Variants in CCDC177 observed in about 807,000 individuals in gnomAD.
CCDC177 encodes the protein coiled-coil domain containing 177.
Under a neutral mutation model 7.3 loss-of-function variants are expected in CCDC177, and 2 were observed. The ratio of observed to expected loss-of-function variants is 0.28; its 90% CI spans 0.11 to 0.87. The LOEUF (loss-of-function observed/expected upper bound fraction) is 0.87. Ranked by LOEUF, CCDC177 falls within the 40% of genes least tolerant of loss-of-function variation. The pLI is 0.61. For missense variants in CCDC177, 874 were observed against 970.5 expected (o/e 0.90, Z 1.32); for synonymous variants, 401 against 449.2 (o/e 0.89, Z 1.36).
rs1271214555 is a variant in CCDC177, at chr14:69,570,829, T to C, written c.*670A>G. 2.2e-6 allele frequency: 1 copy of C among 457,548 alleles called. No individual in the cohort carries two copies. Among genetic ancestry groups the C allele is most frequent in the Non-Finnish European group, 4.4e-6 (1 of 226,792 alleles). The allele number at this position is 457,548 out of a possible 1,614,324, so 28.3% of individuals were successfully genotyped here. On this transcript the variant is annotated 3_prime_UTR_variant, in exon 2 of 2. Transcript: ENST00000599174. ...TGAGGGAGGGGGCAAAGGACAAAAA[T>C]TGAACATTATCTGCAGATGACTGTC...
In CCDC177 at chr14:69,572,646, C is replaced by A; in HGVS notation, c.977G>T (p.Arg326Leu). 2 of 1,231,300 alleles carry A rather than the reference C, an allele frequency of 1.6e-6. No homozygotes were observed. Among genetic ancestry groups the A allele is most frequent in the Non-Finnish European group, 2.0e-6 (2 of 987,632 alleles). 76.3% of individuals were successfully genotyped at this position (1,231,300 alleles called of 1,614,324 possible). The change falls in exon 2 of 2, where the codon CGT becomes CTT. Residue 326 changes from arginine (R) to leucine (L), a missense_variant. Transcript: ENST00000599174. Reference protein sequence around the residue: ...QHVERIVRQVRAERGLRGVPE... With the variant: ...QHVERIVRQVLAERGLRGVPE... ...CACCCCGCGCAGGCCGCGCTCTGCACGCACTTGACGCACGATGCGCTCCAC... is the reference window on the plus strand; with the variant it reads ...CACCCCGCGCAGGCCGCGCTCTGCAAGCACTTGACGCACGATGCGCTCCAC...
At position 69,573,479 on chromosome 14, in the gene CCDC177, CGCGGAGGCCGAG is replaced by C; in HGVS notation, c.132_143del (p.Ser45_Ala48del). The C allele has an allele frequency of 8.1e-7, 1 of 1,230,768 alleles. No individual in the cohort carries two copies. The highest frequency in any genetic ancestry group is 1.0e-6 in the Non-Finnish European group (1 of 987,396). 76.2% of individuals were successfully genotyped at this position (1,230,768 alleles called of 1,614,324 possible). A position where few individuals can be genotyped will look rare whatever the true frequency, so the allele number is the denominator to read the frequency against. ...GGACTTCTGCCTTGCGGGGCACCGC[CGCGGAGGCCGAG>C]GCCGAGGCCGAGGAAGCTGCGGGCT... On this transcript the variant is annotated inframe_deletion, in exon 2 of 2. Transcript: ENST00000599174.
chr14:69,572,608 G>A lies in CCDC177; in HGVS notation c.1015C>T (p.Arg339Trp), dbSNP rs1595012513. ...RGLRGVPERD[R>W]KIAALMLARH... ...GCCAGCATGAGCGCCGCGATCTTCC[G>A]GTCACGCTCCGGCACCCCGCGCAGG... Residue 339 changes from arginine to tryptophan, a missense_variant, in exon 2 of 2, where the codon CGG (arginine) becomes TGG (tryptophan). Transcript: ENST00000599174. 8.1e-7 allele frequency: 1 copy of A among 1,231,256 alleles called. No individual in the cohort carries two copies. The highest frequency in any genetic ancestry group is 4.1e-5 in the South Asian group (1 of 24,320). 76.3% of individuals were successfully genotyped at this position (1,231,256 alleles called of 1,614,324 possible).
intron 1 of CCDC177, 101 bp downstream of exon 1, chr14:69,574,441 C>G (rs965598955): frequency 2.6e-5 from 4 of 152,300 alleles, no homozygotes; most frequent in African/African-American, 9.6e-5. Flanking sequence ...CGGGTGCCCT[C>G]CGAGTTCCCC....
chr14:69,571,814 G>C lies in CCDC177; in HGVS notation c.1809C>G (p.Ala603=), dbSNP rs1192184563. 2 of 1,231,452 alleles carry C rather than the reference G, an allele frequency of 1.6e-6. No homozygotes were observed. Among genetic ancestry groups the C allele is most frequent in the South Asian group, 4.1e-5 (1 of 24,322 alleles). 76.3% of individuals were successfully genotyped at this position (1,231,452 alleles called of 1,614,324 possible). A position where few individuals can be genotyped will look rare whatever the true frequency, so the allele number is the denominator to read the frequency against. Residue 603 remains alanine (A), a synonymous_variant, in exon 2 of 2, where the codon GCC becomes GCG. Coordinates refer to ENST00000599174, the MANE Select transcript of CCDC177 (RefSeq NM_001271507.2). Reference sequence around the variant, plus strand: ...GCGCCTTCTGCTGCACTGCTTCCTCGGCCACCTGCGTCGCGTGCTGCAGCC... The same window carrying C: ...GCGCCTTCTGCTGCACTGCTTCCTCCGCCACCTGCGTCGCGTGCTGCAGCC... The part of the protein sequence containing the change: ...ERRLQHATQV[A]EEAVQQKARR...
Position 69,571,537 on chromosome 14 carries a change from G to A in CCDC177, c.2086C>T (p.Arg696Trp), listed in dbSNP as rs1884323842. Residue 696 changes from arginine (R) to tryptophan (W), a missense_variant, in exon 2 of 2, where the codon CGG becomes TGG. Coordinates refer to ENST00000599174, the MANE Select transcript of CCDC177 (RefSeq NM_001271507.2). ...AGGCTGGCGTGTAGCTGGGCCTCCCGCACCATGCGGTCGAAGGATCGCGTG... is the reference window on the plus strand; with the variant it reads ...AGGCTGGCGTGTAGCTGGGCCTCCCACACCATGCGGTCGAAGGATCGCGTG... ...TNTRSFDRMV[R>W]EAQLHASLDR... 1.6e-6 allele frequency: 2 copies of A among 1,240,296 alleles called. No homozygotes were observed. Among genetic ancestry groups the A allele is most frequent in the Non-Finnish European group, 2.0e-6 (2 of 992,388 alleles). The allele number at this position is 1,240,296 out of a possible 1,614,324, so 76.8% of individuals were successfully genotyped here. A position where few individuals can be genotyped will look rare whatever the true frequency, so the allele number is the denominator to read the frequency against.
In CCDC177 at chr14:69,572,349, T is replaced by C; in HGVS notation, c.1274A>G (p.Glu425Gly). Residue 425 changes from glutamate to glycine, a missense_variant, in exon 2 of 2, where the codon GAG becomes GGG. Coordinates refer to ENST00000599174, the MANE Select transcript of CCDC177 (RefSeq NM_001271507.2). ...RRRQRQYERS[E>G]ERRRELAERQ... ...TTCGGCCAGCTCCCGCCGCCGCTCCTCGCTGCGCTCGTACTGCCGCTGCCG... is the reference window on the plus strand; with the variant it reads ...TTCGGCCAGCTCCCGCCGCCGCTCCCCGCTGCGCTCGTACTGCCGCTGCCG... 1 of 1,223,824 alleles carries C rather than the reference T, an allele frequency of 8.2e-7. No homozygotes were observed. The highest frequency in any genetic ancestry group is 1.0e-6 in the Non-Finnish European group (1 of 983,098). 75.8% of individuals were successfully genotyped at this position (1,223,824 alleles called of 1,614,324 possible).
Position 69,572,417 on chromosome 14 carries a change from C to A in CCDC177, c.1206G>T (p.Arg402=). ...RRAWAAQVEE[R]RGRRGREERE... ...GCTCTTCGCGGCCACGGCGGCCTCG[C>A]CGCTCCTCCACCTGCGCGGCCCAGG... The change falls in exon 2 of 2, where the codon CGG becomes CGT. Residue 402 remains arginine (R), a synonymous_variant. Coordinates refer to ENST00000599174, the MANE Select transcript of CCDC177 (RefSeq NM_001271507.2). 8.2e-7 allele frequency: 1 copy of A among 1,226,690 alleles called. No homozygotes were observed. The highest frequency in any genetic ancestry group is 1.0e-6 in the Non-Finnish European group (1 of 984,772). The allele number at this position is 1,226,690 out of a possible 1,614,324, so 76.0% of individuals were successfully genotyped here. A position where few individuals can be genotyped will look rare whatever the true frequency, so the allele number is the denominator to read the frequency against.
chr14:69,570,581 AGGGCT>A lies in CCDC177; in HGVS notation c.*913_*917del. The A allele has an allele frequency of 2.8e-6, 1 of 354,512 alleles. No individual in the cohort carries two copies. Among genetic ancestry groups the A allele is most frequent in the South Asian group, 2.2e-5 (1 of 45,542 alleles). 22.0% of individuals were successfully genotyped at this position (354,512 alleles called of 1,614,324 possible). The stretch of plus-strand genomic sequence containing the variant: ...GGGGCCCACCCTTGAGACGGCATGC[AGGGCT>A]GGAGATTTAGGCAGGAACAGCCTGG... On this transcript the variant is annotated 3_prime_UTR_variant, in exon 2 of 2. Coordinates refer to ENST00000599174, the MANE Select transcript of CCDC177 (RefSeq NM_001271507.2).
chr14:69,571,566 G>T lies in CCDC177; in HGVS notation c.2057C>A (p.Thr686Asn), dbSNP rs1055460887. ...FHVREKVREETNTRSFDRMVR... is the reference protein window; with the variant it reads ...FHVREKVREENNTRSFDRMVR... ...CATGCGGTCGAAGGATCGCGTGTTG[G>T]TCTCCTCGCGCACCTTCTCACGCAC... The change falls in exon 2 of 2, where the codon ACC (threonine) becomes AAC (asparagine). Residue 686 changes from threonine to asparagine, a missense_variant. Thr to Asn is a moderately conservative substitution (Grantham distance 65). Transcript: ENST00000599174. The T allele has an allele frequency of 1.6e-6, 2 of 1,237,018 alleles. No individual in the cohort carries two copies. Among genetic ancestry groups the T allele is most frequent in the Admixed American group, 7.9e-5 (2 of 25,174 alleles). 76.6% of individuals were successfully genotyped at this position (1,237,018 alleles called of 1,614,324 possible).
In CCDC177 at chr14:69,572,176, C is replaced by A; in HGVS notation, c.1447G>T (p.Ala483Ser). The A allele has an allele frequency of 8.1e-7, 1 of 1,229,980 alleles. No individual in the cohort carries two copies. The allele number at this position is 1,229,980 out of a possible 1,614,324, so 76.2% of individuals were successfully genotyped here. A position where few individuals can be genotyped will look rare whatever the true frequency, so the allele number is the denominator to read the frequency against. The stretch of plus-strand genomic sequence containing the variant: ...TGCTTGGCGCGGGCCGCGCGCTGGG[C>A]GCGCTCCCTGCGGATCTGCTCAGCC... The part of the protein sequence containing the change: ...ERAEQIRRER[A>S]QRAARAKQRQ... Residue 483 changes from alanine (A) to serine (S), a missense_variant, in exon 2 of 2, where the codon GCC becomes TCC. Transcript: ENST00000599174.
In CCDC177 at chr14:69,572,172, T is replaced by C; in HGVS notation, c.1451A>G (p.Gln484Arg). ...CCGCTGCTTGGCGCGGGCCGCGCGCTGGGCGCGCTCCCTGCGGATCTGCTC... is the reference window on the plus strand; with the variant it reads ...CCGCTGCTTGGCGCGGGCCGCGCGCCGGGCGCGCTCCCTGCGGATCTGCTC... ...RAEQIRRERA[Q>R]RAARAKQRQE... The change falls in exon 2 of 2, where the codon CAG (glutamine) becomes CGG (arginine). Residue 484 changes from glutamine (Q) to arginine (R), a missense_variant. Transcript: ENST00000599174. 1 of 1,228,974 alleles carries C rather than the reference T, an allele frequency of 8.1e-7. No individual in the cohort carries two copies. The highest frequency in any genetic ancestry group is 1.0e-6 in the Non-Finnish European group (1 of 986,530). The allele number at this position is 1,228,974 out of a possible 1,614,324, so 76.1% of individuals were successfully genotyped here. A position where few individuals can be genotyped will look rare whatever the true frequency, so the allele number is the denominator to read the frequency against.
Position 69,572,257 on chromosome 14 carries a change from G to A in CCDC177, c.1366C>T (p.Gln456Ter). 1 of 1,229,218 alleles carries A rather than the reference G, an allele frequency of 8.1e-7. No homozygotes were observed. 76.1% of individuals were successfully genotyped at this position (1,229,218 alleles called of 1,614,324 possible). ...AAREDRLRKL[Q>*]QEQNLKQREE... ...CGTTGCTTCAGGTTCTGCTCCTGCT[G>A]AAGCTTGCGCAGCCGATCCTCCCGG... Residue 456 changes from glutamine to a stop codon, truncating the protein, a stop_gained, in exon 2 of 2, where the codon CAG becomes TAG. Transcript: ENST00000599174. LOFTEE classifies it low-confidence loss of function (END_TRUNC).
In CCDC177 at chr14:69,571,714, C is replaced by G; in HGVS notation, c.1909G>C (p.Asp637His). 1 of 1,231,932 alleles carries G rather than the reference C, an allele frequency of 8.1e-7. No individual in the cohort carries two copies. Among genetic ancestry groups the G allele is most frequent in the Middle Eastern group, 3.1e-4 (1 of 3,210 alleles). 76.3% of individuals were successfully genotyped at this position (1,231,932 alleles called of 1,614,324 possible). A position where few individuals can be genotyped will look rare whatever the true frequency, so the allele number is the denominator to read the frequency against. The change falls in exon 2 of 2, where the codon GAC becomes CAC. Residue 637 changes from aspartate (D) to histidine (H), a missense_variant. Physicochemically the swap from Asp to His is moderately conservative, Grantham distance 81. Coordinates refer to ENST00000599174, the MANE Select transcript of CCDC177 (RefSeq NM_001271507.2). ...ANKEKVERDE[D>H]CRRRELLQAI... ...TGGAGTAGCTCTCGCCGGCGGCAGT[C>G]TTCGTCCCTCTCCACCTTCTCCTTG...
At position 69,572,927 on chromosome 14, in the gene CCDC177, C is replaced by G. The variant is rs746032898; in HGVS notation, c.696G>C (p.Ser232=). The G allele has an allele frequency of 2.4e-6, 3 of 1,231,324 alleles. No homozygotes were observed. Among genetic ancestry groups the G allele is most frequent in the African/African-American group, 1.6e-5 (1 of 64,406 alleles). The allele number at this position is 1,231,324 out of a possible 1,614,324, so 76.3% of individuals were successfully genotyped here. The stretch of plus-strand genomic sequence containing the variant: ...CACGCCGGCGGGACAGTGAGTCCAG[C>G]GAATGGCTCTTCCTGCCTGTTCGAG... ...AGSRTGRKSH[S]LDSLSRRREG... is the part of the protein sequence containing the mutation. Residue 232 remains serine (S), a synonymous_variant, in exon 2 of 2, where the codon TCG becomes TCC. Coordinates refer to ENST00000599174, the MANE Select transcript of CCDC177 (RefSeq NM_001271507.2).
Position 69,571,796 on chromosome 14 carries a change from C to T in CCDC177, c.1827G>A (p.Gln609=). ...ATQVAEEAVQ[Q]KARRVGQSRL... is the part of the protein sequence containing the mutation. ...GGCTCTGGCCCACGCGCCGCGCCTT[C>T]TGCTGCACTGCTTCCTCGGCCACCT... The change falls in exon 2 of 2, where the codon CAG becomes CAA. Residue 609 remains glutamine, a synonymous_variant. Transcript: ENST00000599174. The T allele has an allele frequency of 8.1e-7, 1 of 1,231,594 alleles. No homozygotes were observed. Among genetic ancestry groups the T allele is most frequent in the East Asian group, 3.2e-5 (1 of 31,694 alleles). 76.3% of individuals were successfully genotyped at this position (1,231,594 alleles called of 1,614,324 possible). A position where few individuals can be genotyped will look rare whatever the true frequency, so the allele number is the denominator to read the frequency against.
chr14:69,572,811 G>GCCGAGGC lies in CCDC177; in HGVS notation c.805_811dup (p.Ala271GlyfsTer70). 8.1e-7 allele frequency: 1 copy of GCCGAGGC among 1,231,436 alleles called. No homozygotes were observed. Among genetic ancestry groups the GCCGAGGC allele is most frequent in the Non-Finnish European group, 1.0e-6 (1 of 987,762 alleles). The allele number at this position is 1,231,436 out of a possible 1,614,324, so 76.3% of individuals were successfully genotyped here. On this transcript the variant is annotated frameshift_variant, in exon 2 of 2. Transcript: ENST00000599174. LOFTEE classifies it low-confidence loss of function (END_TRUNC). ...CGACCCCGCTGGGCAGCTGTTCCTG[G>GCCGAGGC]CCGAGGCCCGAGGCGGCCAGCGCAG... is the stretch of plus-strand genomic sequence containing the variant.
Position 69,570,962 on chromosome 14 carries a change from T to G in CCDC177, c.*537A>C. 1 of 459,186 alleles carries G rather than the reference T, an allele frequency of 2.2e-6. No homozygotes were observed. Among genetic ancestry groups the G allele is most frequent in the Non-Finnish European group, 4.4e-6 (1 of 227,948 alleles). 28.4% of individuals were successfully genotyped at this position (459,186 alleles called of 1,614,324 possible). A position where few individuals can be genotyped will look rare whatever the true frequency, so the allele number is the denominator to read the frequency against. On this transcript the variant is annotated 3_prime_UTR_variant, in exon 2 of 2. Coordinates refer to ENST00000599174, the MANE Select transcript of CCDC177 (RefSeq NM_001271507.2). ...AAAATCAACTGCTTTTTGGATCATT[T>G]GGGCGTGGCTTGACACCTTGGAGGA...
chr14:69,570,916 G>A lies in CCDC177; in HGVS notation c.*583C>T. On this transcript the variant is annotated 3_prime_UTR_variant, in exon 2 of 2. Coordinates refer to ENST00000599174, the MANE Select transcript of CCDC177 (RefSeq NM_001271507.2). ...TCAAAACTGGTGAGAATTTGCTCAG[G>A]TGGCCGATTAAAAGGTCTAAAAAAT... 2.2e-6 allele frequency: 1 copy of A among 457,814 alleles called. No individual in the cohort carries two copies. The allele number at this position is 457,814 out of a possible 1,614,324, so 28.4% of individuals were successfully genotyped here. A position where few individuals can be genotyped will look rare whatever the true frequency, so the allele number is the denominator to read the frequency against.
Sources: gnomAD v4.1 joint callset for allele counts on GRCh38, gnomAD v4.1.1 for gene constraint, MANE v1.5 for transcripts, NCBI Gene and HGNC (gene_info 2026-07-23, HGNC 2026-07-21) for gene names.